PHACTR3: variants seen among roughly 807,000 people sequenced by gnomAD.
The protein encoded by PHACTR3 is protein phosphatase 1, regulatory subunit 123.
A neutral mutation model predicts 66.8 loss-of-function variants in PHACTR3; 16 were observed. The ratio of observed to expected loss-of-function variants is 0.24; its 90% CI spans 0.16 to 0.36. The LOEUF (loss-of-function observed/expected upper bound fraction) is 0.36, where lower values mean the gene tolerates loss of function less well. Among genes scored for constraint, PHACTR3 ranks in the 10% least tolerant of loss-of-function variants. PHACTR3 has a pLI of 1.00. For missense variants in PHACTR3, 647 were observed against 719.9 expected (o/e 0.90, Z 1.16); for synonymous variants, 323 against 292.1 (o/e 1.11, Z -1.08).
In PHACTR3 at chr20:59,847,238, TTG is replaced by T; in HGVS notation, c.*111_*112del. On this transcript the variant is annotated 3_prime_UTR_variant, in exon 13 of 13. Coordinates refer to ENST00000371015, the MANE Select transcript of PHACTR3 (RefSeq NM_080672.5). ...CTCAAGACTACCCTACCTGCTGTGT[TTG>T]TGAGAAGAGTAGGATCACACACACA... 2.5e-6 allele frequency: 2 copies of T among 786,062 alleles called. No homozygotes were observed. The allele number at this position is 786,062 out of a possible 1,614,324, so 48.7% of individuals were successfully genotyped here.
At chr20:59,645,673 ATG>A (rs1176851472) in intron 1 of PHACTR3, among the ~76,000 whole-genome samples, 1 of 152,120 alleles carries the variant, frequency 6.6e-6, no homozygotes, top group Non-Finnish European at 1.5e-5. Flanking sequence ...ACATGTACAT[ATG>A]TGTGTGTGGC....
At chr20:59,591,064 A>C (rs2033168490) in intron 1 of PHACTR3, among the ~76,000 whole-genome samples, 1 of 152,230 alleles carries the variant, frequency 6.6e-6, no homozygotes, top group Non-Finnish European at 1.5e-5. Flanking sequence ...AAGCACTCTC[A>C]ACACTTGTGG....
intron 1 of PHACTR3, among the ~76,000 whole-genome samples, chr20:59,655,471 T>C (rs1023750450): frequency 1.3e-5 from 2 of 151,996 alleles, no homozygotes. Flanking sequence ...TCCCTTATAA[T>C]TTATTTCTGT....
chr20:59,767,280 C>A lies in PHACTR3; in HGVS notation c.636C>A (p.Asp212Glu). The A allele has an allele frequency of 3.1e-6, 5 of 1,614,258 alleles. No homozygotes were observed. The highest frequency in any genetic ancestry group is 4.2e-6 in the Non-Finnish European group (5 of 1,180,048). ...TCTCCCAAGCCTTAGCTGGGGCTGA[C>A]TCCCTGGACAGTCCTCCCAGACCTC... ...NELSQALAGA[D>E]SLDSPPRPLE... is the part of the protein sequence containing the mutation. The change falls in exon 5 of 13, where the codon GAC becomes GAA. Residue 212 changes from aspartate (D) to glutamate (E), a missense_variant. Physicochemically the swap from Asp to Glu is conservative, Grantham distance 45. Transcript: ENST00000371015.
chr20:59,761,215 GGGGT>G (rs2146844293), intron 4 of PHACTR3, among the ~76,000 whole-genome samples: 1 of 152,194 alleles, frequency 6.6e-6, no homozygotes, highest in East Asian at 1.9e-4. Flanking sequence ...CAGGGAGGGA[GGGGT>G]GCCTCCCTCC....
At chr20:59,647,057 A>C (rs758409255) in intron 1 of PHACTR3, among the ~76,000 whole-genome samples, 3 of 152,222 alleles carry the variant, frequency 2.0e-5, no homozygotes, top group Non-Finnish European at 4.4e-5. Flanking sequence ...CTAGGGTATT[A>C]GTCTGTTCTC....
chr20:59,624,760 A>T (rs981631769), intron 1 of PHACTR3, among the ~76,000 whole-genome samples: 1 of 152,198 alleles, frequency 6.6e-6, no homozygotes, highest in Non-Finnish European at 1.5e-5. Context: ...CTTAAAAAAA[A>T]ACTTGTGATG....
chr20:59,689,833 C>A (rs2037042918), intron 1 of PHACTR3, among the ~76,000 whole-genome samples: 1 of 152,156 alleles, frequency 6.6e-6, no homozygotes, highest in Non-Finnish European at 1.5e-5. Context: ...GCATCTCCAG[C>A]CTTCAGCACC....
At chr20:59,656,182 C>T (rs370202222) in intron 1 of PHACTR3, among the ~76,000 whole-genome samples, 49 of 151,868 alleles carry the variant, frequency 3.2e-4, no homozygotes, top group African/African-American at 1.2e-3. Context: ...TACTGTTGTT[C>T]ATCTTTTCTT....
intron 1 of PHACTR3, among the ~76,000 whole-genome samples, chr20:59,617,193 G>A (rs114370098): frequency 0.013 from 1,921 of 152,182 alleles, 38 homozygotes; most frequent in African/African-American, 0.044. Flanking sequence ...ATTGACTCTT[G>A]GGTACGTGAT....
At chr20:59,680,084 CCCTCCTT>C (rs1397827103) in intron 1 of PHACTR3, among the ~76,000 whole-genome samples, 1 of 152,110 alleles carries the variant, frequency 6.6e-6, no homozygotes, top group Non-Finnish European at 1.5e-5. Context: ...TGCTCTCCCT[CCCTCCTT>C]CCTTCTTCCT....
intron 3 of PHACTR3, among the ~76,000 whole-genome samples, chr20:59,750,768 T>C (rs2039550284): frequency 6.6e-6 from 1 of 152,152 alleles, no homozygotes; most frequent in Non-Finnish European, 1.5e-5. Context: ...GACTTGGACT[T>C]GCTTTTCGCA....
intron 1 of PHACTR3, among the ~76,000 whole-genome samples, chr20:59,585,156 G>A (rs2032985118): frequency 6.6e-6 from 1 of 152,152 alleles, no homozygotes; most frequent in South Asian, 2.1e-4. Flanking sequence ...CTCAAGTTCT[G>A]TCACCGCTTA....
At chr20:59,688,066 A>G (rs1370178655) in intron 1 of PHACTR3, among the ~76,000 whole-genome samples, 7 of 152,148 alleles carry the variant, frequency 4.6e-5, no homozygotes, top group Non-Finnish European at 1.0e-4. Flanking sequence ...CCAGAATGGA[A>G]TTACACTGAC....
intron 1 of PHACTR3, among the ~76,000 whole-genome samples, chr20:59,707,741 C>T (rs1415662956): frequency 6.6e-6 from 1 of 152,140 alleles, no homozygotes; most frequent in African/African-American, 2.4e-5. Context: ...GCTGGGATTA[C>T]AGGCGTGAGC....
At chr20:59,653,240 A>G (rs571891511) in intron 1 of PHACTR3, among the ~76,000 whole-genome samples, 2 of 150,084 alleles carry the variant, frequency 1.3e-5, no homozygotes, top group African/African-American at 4.9e-5. Context: ...GCTGGAGTGC[A>G]GTGGCACCAT....
In PHACTR3 at chr20:59,606,048, C is replaced by T. The variant is rs540848752; in HGVS notation, c.118+916C>T. On this transcript the variant is annotated intron_variant, in intron 1 of 12. Transcript: ENST00000371015. ...CAAGCCACAGGACTCAGTTTTGTAT[C>T]TTAGAGAAGCACAATTCCTTCGTAG... Among the ~76,000 whole-genome samples the T allele has an allele frequency of 2.0e-5, 3 of 152,342 alleles. No homozygotes were observed. In the South Asian group the frequency reaches 6.2e-4, roughly 32 times the overall value.
chr20:59,577,720 C>A, intron 1 of PHACTR3: 1 of 839,376 alleles, frequency 1.2e-6, no homozygotes, highest in Non-Finnish European at 1.5e-6. Flanking sequence ...TTGCCCTTGG[C>A]CGTTGCGGGT....
chr20:59,747,973 T>G, intron 3 of PHACTR3, 138 bp downstream of exon 3: 1 of 883,920 alleles, frequency 1.1e-6, no homozygotes, highest in East Asian at 2.7e-5. Flanking sequence ...CCTGCAAGGT[T>G]GGAGAGACAC....
Sources: allele counts gnomAD v4.1 joint callset (sites outside exome capture counted in the v4.1 genomes callset), GRCh38; gene constraint gnomAD v4.1.1; transcripts MANE v1.5; gene names NCBI Gene and HGNC (gene_info 2026-07-23, HGNC 2026-07-21).